Variants in CACNA1C observed in about 807,000 individuals in gnomAD.
The protein encoded by CACNA1C is voltage-dependent L-type calcium channel subunit alpha-1C.
Under a neutral mutation model 229.0 loss-of-function variants are expected in CACNA1C, and 30 were observed. That is an observed-to-expected ratio of 0.13 (90% CI 0.10 to 0.18). The LOEUF is 0.18. CACNA1C is among the 10% of genes least tolerant of loss of function. CACNA1C has a pLI of 1.00. For missense variants in CACNA1C, 1,658 were observed against 2,845.0 expected (o/e 0.58, Z 9.49); for synonymous variants, 1,114 against 1,132.5 (o/e 0.98, Z 0.33).
chr12:2,051,127 C>T (rs2052101751), upstream of CACNA1C, among the ~76,000 whole-genome samples: 1 of 152,172 alleles, frequency 6.6e-6, no homozygotes, highest in East Asian at 1.9e-4. Context: ...TCTGTCAGTA[C>T]TGAATCAGGA....
rs540881767 is a variant in CACNA1C at position 1,975,543 on chromosome 12, G to A, written c.139+4342G>A. Among the ~76,000 whole-genome samples the A allele has an allele frequency of 3.9e-5, 6 of 152,202 alleles. No homozygotes were observed. In the South Asian group the frequency reaches 1.2e-3, roughly 32 times the overall value. Reference sequence around the variant, plus strand: ...TTCCTTATTAAGCATTTAAGAAAATGTTTTGGAACCCAGCTTTTCTCTGCC... The same window carrying A: ...TTCCTTATTAAGCATTTAAGAAAATATTTTGGAACCCAGCTTTTCTCTGCC... On this transcript the variant is annotated intron_variant, in intron 1 of 46. Coordinates refer to the CACNA1C transcript ENST00000682462.
chr12:2,080,945 A>G (rs1032744138), intron 1 of CACNA1C, among the ~76,000 whole-genome samples: 3 of 152,244 alleles, frequency 2.0e-5, no homozygotes, highest in Non-Finnish European at 4.4e-5. Flanking sequence ...GGAGAGAATG[A>G]TGAAAAGGCA....
intron 3 of CACNA1C, among the ~76,000 whole-genome samples, chr12:2,121,516 C>T (rs143319159): frequency 6.6e-6 from 1 of 152,268 alleles, no homozygotes; most frequent in African/African-American, 2.4e-5. Flanking sequence ...GTAAGGTGTT[C>T]ACCGCCTGCG....
chr12:2,559,772 C>T (rs2154592787), intron 11 of CACNA1C, among the ~76,000 whole-genome samples: 1 of 152,290 alleles, frequency 6.6e-6, no homozygotes, highest in African/African-American at 2.4e-5. Context: ...ATAGTAAACC[C>T]TGTTCCTGTA....
chr12:2,545,731 A>G (rs1195755910), intron 9 of CACNA1C, among the ~76,000 whole-genome samples: 3 of 152,274 alleles, frequency 2.0e-5, no homozygotes, highest in Non-Finnish European at 4.4e-5. Context: ...CAACAATGCA[A>G]AAAACACAAT....
intron 3 of CACNA1C, among the ~76,000 whole-genome samples, chr12:2,126,721 T>C (rs1431767786): frequency 6.6e-6 from 1 of 152,184 alleles, no homozygotes; most frequent in Non-Finnish European, 1.5e-5. Context: ...GGTTGAGATG[T>C]CAGATTTGCC....
chr12:2,257,245 T>C (rs2078300978), intron 3 of CACNA1C, among the ~76,000 whole-genome samples: 1 of 152,174 alleles, frequency 6.6e-6, no homozygotes, highest in African/African-American at 2.4e-5. Flanking sequence ...GGGCCACACC[T>C]GTCTCCAAAG....
intron 1 of CACNA1C, among the ~76,000 whole-genome samples, chr12:2,038,770 G>T (rs2068512): frequency 6.6e-6 from 1 of 152,068 alleles, no homozygotes; most frequent in Admixed American, 6.5e-5. Flanking sequence ...GGCTTACATG[G>T]TATTTCTCCT....
intron 3 of CACNA1C, among the ~76,000 whole-genome samples, chr12:2,314,009 G>C (rs556682524): frequency 6.4e-4 from 98 of 152,334 alleles, no homozygotes; most frequent in Non-Finnish European, 1.3e-3. Context: ...TGTGGGCACA[G>C]GGCACACGGC....
At chr12:2,416,824 G>A (rs757031557) in intron 3 of CACNA1C, among the ~76,000 whole-genome samples, 2 of 152,146 alleles carry the variant, frequency 1.3e-5, no homozygotes, top group Non-Finnish European at 2.9e-5. Context: ...CTTTACAAAC[G>A]AGGACTCTAA....
intron 1 of CACNA1C, among the ~76,000 whole-genome samples, chr12:2,105,141 C>G (rs867852607): frequency 2.0e-5 from 3 of 152,302 alleles, no homozygotes; most frequent in South Asian, 2.1e-4. Flanking sequence ...TAACAGAGAG[C>G]AAGTGTGGTT....
intron 3 of CACNA1C, among the ~76,000 whole-genome samples, chr12:2,261,242 A>C (rs1426237312): frequency 6.6e-6 from 1 of 152,086 alleles, no homozygotes; most frequent in African/African-American, 2.4e-5. Context: ...AAAAAAAAAA[A>C]CAAAAACAAA....
At chr12:2,088,359 A>G (rs527715763) in intron 1 of CACNA1C, among the ~76,000 whole-genome samples, 1 of 152,288 alleles carries the variant, frequency 6.6e-6, no homozygotes, top group South Asian at 2.1e-4. Flanking sequence ...CAACACCCTC[A>G]GGCCAGGGCC....
chr12:2,640,825 G>C (rs542327398), intron 30 of CACNA1C, among the ~76,000 whole-genome samples: 1 of 152,196 alleles, frequency 6.6e-6, no homozygotes, highest in Non-Finnish European at 1.5e-5. Context: ...TCTGGCTCTG[G>C]GTCCTGGAAG....
chr12:1,991,095 A>T (rs955769706), intron 1 of CACNA1C: 6 of 455,986 alleles, frequency 1.3e-5, no homozygotes, highest in African/African-American at 1.0e-4. Flanking sequence ...CATTAGAAAC[A>T]TTTTAATATG....
intron 16 of CACNA1C, 102 bp downstream of exon 16, chr12:2,584,719 C>A (rs1169174093): frequency 2.6e-6 from 2 of 776,736 alleles, no homozygotes; most frequent in Non-Finnish European, 2.1e-6. Context: ...CCTCTGTTGG[C>A]TCTCCCTCCT....
chr12:2,499,161 G>A (rs1300677996), intron 7 of CACNA1C, among the ~76,000 whole-genome samples: 1 of 152,126 alleles, frequency 6.6e-6, no homozygotes, highest in Non-Finnish European at 1.5e-5. Context: ...GTAGCTGCCC[G>A]TGTCCCAGCA....
intron 3 of CACNA1C, among the ~76,000 whole-genome samples, chr12:2,446,860 G>T (rs2099297950): frequency 6.6e-6 from 1 of 151,636 alleles, no homozygotes; most frequent in South Asian, 2.1e-4. Flanking sequence ...GGATGAATTG[G>T]TGGGTGGGTG....
At chr12:2,202,412 A>G (rs2097606310) in intron 3 of CACNA1C, among the ~76,000 whole-genome samples, 1 of 152,254 alleles carries the variant, frequency 6.6e-6, no homozygotes, top group Non-Finnish European at 1.5e-5. Context: ...TCTTTATCTC[A>G]GTTGAAACCT....
Sources: gnomAD v4.1 joint callset for allele counts (sites outside exome capture counted in the v4.1 genomes callset) on GRCh38, gnomAD v4.1.1 for gene constraint, MANE v1.5 for transcripts, NCBI Gene and HGNC (gene_info 2026-07-23, HGNC 2026-07-21) for gene names.